TTLL11: variants seen among roughly 807,000 people sequenced by gnomAD.
TTLL11 encodes tubulin tyrosine ligase like 11, also known as tubulin polyglutamylase TTLL11.
A neutral mutation model predicts 51.7 loss-of-function variants in TTLL11; 42 were observed. That is an observed-to-expected ratio of 0.81 (90% confidence interval 0.64 to 1.05). The LOEUF is 1.05. TTLL11 is among the 50% of genes least tolerant of loss of function. The probability of loss-of-function intolerance (pLI) is 0.00; values close to 1 mark genes in which losing one functional copy is unlikely to be tolerated. For synonymous variants in TTLL11, 381 were observed against 383.5 expected, an observed-to-expected ratio of 0.99 and a Z score of 0.08; for missense variants, 799 against 940.4, an observed-to-expected ratio of 0.85 and a Z score of 1.97.
At position 121,816,349 on chromosome 9, in the gene TTLL11, T is replaced by G. The variant is rs969512322; in HGVS notation, c.*6238A>C. 2 of 152,226 alleles carry G rather than the reference T, an allele frequency of 1.3e-5. No homozygotes were observed. The highest frequency in any genetic ancestry group is 4.8e-5 in the African/African-American group (2 of 41,442). The allele number at this position is 152,226 out of a possible 1,614,324, so 9.4% of individuals were successfully genotyped here. A position where few individuals can be genotyped will look rare whatever the true frequency, so the allele number is the denominator to read the frequency against. On this transcript the variant is annotated 3_prime_UTR_variant, in exon 9 of 9. Coordinates refer to ENST00000321582, the MANE Select transcript of TTLL11 (RefSeq NM_001139442.2). ...CCAAGACTGGGTCCTGGTTGGAATC[T>G]TAGCAAACACCTTCATGTTGGAGGA...
chr9:121,834,828 G>C (rs1393188668), intron 8 of TTLL11, among the ~76,000 whole-genome samples: 1 of 128,554 alleles, frequency 7.8e-6, no homozygotes, highest in Non-Finnish European at 1.7e-5. Context: ...CTCTGTCTCA[G>C]GAAAAAAAAA....
In TTLL11 at chr9:122,031,806, T is replaced by G; in HGVS notation, c.610A>C (p.Met204Leu). Residue 204 changes from methionine to leucine, a missense_variant, in exon 3 of 9, where the codon ATG (methionine) becomes CTG (leucine). Physicochemically the swap from Met to Leu is conservative, Grantham distance 15. Coordinates refer to ENST00000321582, the MANE Select transcript of TTLL11 (RefSeq NM_001139442.2). ...TACTCCTCAGGAAAGAGATTCTGCA[T>G]GGTTCTCACTGCTCTGCTCAGAGTA... ...KITLSRAVRT[M>L]QNLFPEEYNF... 2 of 1,614,134 alleles carry G rather than the reference T, an allele frequency of 1.2e-6. No homozygotes were observed. The highest frequency in any genetic ancestry group is 1.7e-6 in the Non-Finnish European group (2 of 1,180,028).
At chr9:121,947,736 C>T (rs1182780468) in intron 6 of TTLL11, among the ~76,000 whole-genome samples, 1 of 152,160 alleles carries the variant, frequency 6.6e-6, no homozygotes, top group Non-Finnish European at 1.5e-5. Flanking sequence ...TATTGGAATG[C>T]TGGATGGGAG....
chr9:121,989,661 A>G lies in TTLL11; in HGVS notation c.803T>C (p.Ile268Thr). 3.7e-6 allele frequency: 6 copies of G among 1,614,060 alleles called. No homozygotes were observed. The highest frequency in any genetic ancestry group is 5.1e-6 in the Non-Finnish European group (6 of 1,180,016). ...GIYLIKDPSDIRLAGTLQSRP... is the reference protein window; with the variant it reads ...GIYLIKDPSDTRLAGTLQSRP... ...GCTCTGGAGGGTCCCTGCCAGGCGG[A>G]TGTCACTGGGGTCTTTAATGAGGTA... The change falls in exon 4 of 9, where the codon ATC (isoleucine) becomes ACC (threonine). Residue 268 changes from isoleucine to threonine, a missense_variant. Around this residue, in one of 3 missense-constraint regions of TTLL11, gnomAD observed 468 missense variants for 612.8 expected, o/e 0.76. Transcript: ENST00000321582. The surrounding 1 kb of genome is among the most constrained non-coding windows in gnomAD (Gnocchi z 4.2).
intron 1 of TTLL11, among the ~76,000 whole-genome samples, chr9:122,082,597 A>C (rs1451839318): frequency 6.6e-6 from 1 of 152,164 alleles, no homozygotes; most frequent in African/African-American, 2.4e-5. Context: ...ATCCGTCAAT[A>C]AATTATGGTA....
chr9:121,981,623 G>A (rs189399001), intron 4 of TTLL11, among the ~76,000 whole-genome samples: 7 of 152,266 alleles, frequency 4.6e-5, no homozygotes, highest in East Asian at 3.9e-4. Flanking sequence ...AATGCTGGAC[G>A]TTGCGATATT....
At chr9:122,071,814 A>G (rs1845737281) in intron 1 of TTLL11, among the ~76,000 whole-genome samples, 2 of 152,168 alleles carry the variant, frequency 1.3e-5, no homozygotes, top group Admixed American at 1.3e-4. Context: ...TTCTGCAATA[A>G]AGGACTCTTG....
chr9:122,093,176 T>A lies in TTLL11; in HGVS notation c.-28A>T. 6.7e-7 allele frequency: 1 copy of A among 1,492,414 alleles called. No individual in the cohort carries two copies. The allele number at this position is 1,492,414 out of a possible 1,614,324, so 92.4% of individuals were successfully genotyped here. A position where few individuals can be genotyped will look rare whatever the true frequency, so the allele number is the denominator to read the frequency against. ...TGCTCAGGGCCGGGGCCAGTGCCAG[T>A]GCCACCGCCGCCGCCGCCGCCGCTC... On this transcript the variant is annotated 5_prime_UTR_variant, in exon 1 of 9. Transcript: ENST00000321582.
rs2131739742 is a variant in TTLL11, at chr9:122,007,324, T to G, written c.694-17554A>C. 2.0e-5 allele frequency among the ~76,000 whole-genome samples: 3 copies of G among 151,610 alleles called. No homozygotes were observed. The South Asian group carries it at 6.3e-4, about 32-fold the overall frequency. On this transcript the variant is annotated intron_variant, in intron 3 of 8. Coordinates refer to ENST00000321582, the MANE Select transcript of TTLL11 (RefSeq NM_001139442.2). ...GCTCAGAAAATGACCCTGTCTCTAC[T>G]AAAAATACAAAAAAATTAGCTGGGT...
In TTLL11 at chr9:121,912,152, C is replaced by T. The variant is rs552665519; in HGVS notation, c.1482-41404G>A. On this transcript the variant is annotated intron_variant, in intron 6 of 8. Coordinates refer to ENST00000321582, the MANE Select transcript of TTLL11 (RefSeq NM_001139442.2). Reference sequence around the variant, plus strand: ...CAGGTAGACAGAGCAGGGCCTATGACCCAGGGGCCTGGGCCGCTCATCTAC... The same window carrying T: ...CAGGTAGACAGAGCAGGGCCTATGATCCAGGGGCCTGGGCCGCTCATCTAC... Among the ~76,000 whole-genome samples, 43 of 152,326 alleles carry T rather than the reference C, an allele frequency of 2.8e-4. No homozygotes were observed. In the Middle Eastern group the frequency reaches 0.014, roughly 48 times the overall value.
intron 6 of TTLL11, among the ~76,000 whole-genome samples, chr9:121,917,416 G>A (rs1303252954): frequency 2.0e-5 from 3 of 151,448 alleles, no homozygotes; most frequent in African/African-American, 4.9e-5. Flanking sequence ...GTTGTAGTGA[G>A]CTATGATTGC....
intron 1 of TTLL11, among the ~76,000 whole-genome samples, chr9:122,081,764 G>A (rs1039257006): frequency 2.6e-5 from 4 of 152,110 alleles, no homozygotes; most frequent in African/African-American, 7.2e-5. Flanking sequence ...GATCATGCAA[G>A]GCAAATGATT....
At chr9:121,937,598 A>G (rs959358680) in intron 6 of TTLL11, among the ~76,000 whole-genome samples, 7 of 142,056 alleles carry the variant, frequency 4.9e-5, no homozygotes, top group Admixed American at 2.9e-4. Context: ...GGCATATAGT[A>G]GCTGCTTAAT....
At chr9:121,958,658 T>G (rs4837923) in intron 6 of TTLL11, among the ~76,000 whole-genome samples, 37,064 of 152,088 alleles carry the variant, frequency 0.24, 4,841 homozygotes, top group Middle Eastern at 0.3. Flanking sequence ...CTCGAACACA[T>G]AGAGTCCTAA....
chr9:121,833,335 G>A (rs564350022), intron 8 of TTLL11, among the ~76,000 whole-genome samples: 4 of 152,290 alleles, frequency 2.6e-5, no homozygotes, highest in Middle Eastern at 3.4e-3. Flanking sequence ...TAGGCTGGGT[G>A]AGGATGGCCC....
Position 121,954,737 on chromosome 9 carries a change from T to C in TTLL11, c.1481+19272A>G, listed in dbSNP as rs532441975. Among the ~76,000 whole-genome samples the C allele has an allele frequency of 3.0e-3, 450 of 151,938 alleles. 3 individuals are homozygous for C. Among genetic ancestry groups the C allele is most frequent in the African/African-American group, 0.01 (417 of 41,428 alleles). On this transcript the variant is annotated intron_variant, in intron 6 of 8. Transcript: ENST00000321582. ...ACATACTCCAGATGATAAACACAGC[T>C]TCCAATTAAGCTGCCCTCAACTAGC...
intron 4 of TTLL11, among the ~76,000 whole-genome samples, chr9:121,984,759 C>A (rs1290479529): frequency 1.3e-5 from 2 of 152,172 alleles, no homozygotes; most frequent in African/African-American, 4.8e-5. Flanking sequence ...ATACAGGGAG[C>A]TAGAAGAAGA....
intron 6 of TTLL11, among the ~76,000 whole-genome samples, chr9:121,931,091 A>G (rs1207809866): frequency 6.6e-6 from 1 of 152,210 alleles, no homozygotes; most frequent in Non-Finnish European, 1.5e-5. Flanking sequence ...AGACCTAATG[A>G]TTAGTATGAG....
chr9:122,062,198 A>AAAAC (rs1158501601), intron 1 of TTLL11, among the ~76,000 whole-genome samples: 2 of 152,094 alleles, frequency 1.3e-5, no homozygotes, highest in African/African-American at 4.8e-5. Flanking sequence ...GATCTCTTAC[A>AAAAC]AAACTGTGAC....
Sources: allele counts gnomAD v4.1 joint callset (sites outside exome capture counted in the v4.1 genomes callset), GRCh38; gene constraint gnomAD v4.1.1; regional missense constraint gnomAD v4.1.1; non-coding constraint Gnocchi (gnomAD v3.1); transcripts MANE v1.5; gene names NCBI Gene and HGNC (gene_info 2026-07-23, HGNC 2026-07-21).